RDM1: variants seen among roughly 807,000 people sequenced by gnomAD.
RDM1 encodes the protein RAD52 motif containing 1, also known as RAD52 motif-containing protein 1.
In RDM1, 28 loss-of-function variants were observed where a neutral mutation model predicts 27.7. The observed-to-expected ratio is 1.01, with a 90% confidence interval of 0.75 to 1.39. The LOEUF is 1.39. RDM1 is among the 40% of genes most tolerant of loss of function. RDM1 has a pLI of 0.00. For synonymous variants in RDM1, 124 were observed against 127.5 expected (o/e 0.97, Z 0.19); for missense variants, 277 against 337.3 (o/e 0.82, Z 1.40).
chr17:35,923,505 C>T (rs1017647773), intron 4 of RDM1, among the ~76,000 whole-genome samples: 10 of 151,562 alleles, frequency 6.6e-5, no homozygotes, highest in Admixed American at 2.6e-4. Context: ...AAAATACAAC[C>T]ACAAGAAAAT....
chr17:35,925,576 T>C lies in RDM1; in HGVS notation c.338A>G (p.Lys113Arg), dbSNP rs2089116475. The C allele has an allele frequency of 6.2e-7, 1 of 1,614,084 alleles. No homozygotes were observed. The highest frequency in any genetic ancestry group is 1.3e-5 in the African/African-American group (1 of 74,946). ...QHQALALNSS[K>R]CQELANYYFG... is the part of the protein sequence containing the mutation. ...GTAGTAATTCGCCAGTTCTTGGCAT[T>C]TGGAACTGTTCAGGGCAAGGGCTTG... The change falls in exon 3 of 7, where the codon AAA (lysine) becomes AGA (arginine). Residue 113 changes from lysine to arginine, a missense_variant. Lys to Arg is a conservative substitution (Grantham distance 26, BLOSUM62 2). Coordinates refer to ENST00000620284, the MANE Select transcript of RDM1 (RefSeq NM_145654.4).
chr17:35,929,414 C>T (rs1488746262), intron 2 of RDM1, among the ~76,000 whole-genome samples: 1 of 152,120 alleles, frequency 6.6e-6, no homozygotes, highest in African/African-American at 2.4e-5. Flanking sequence ...GTGCATGCCA[C>T]ATCTGGCTGA....
At chr17:35,928,094 G>A (rs2089208731) in intron 2 of RDM1, among the ~76,000 whole-genome samples, 1 of 152,124 alleles carries the variant, frequency 6.6e-6, no homozygotes, top group Admixed American at 6.5e-5. Flanking sequence ...ATTTGATCAA[G>A]GTTAATTCAA....
At position 35,918,169 on chromosome 17, in the gene RDM1, T is replaced by C; in HGVS notation, c.*173A>G. On this transcript the variant is annotated 3_prime_UTR_variant, in exon 7 of 7. Coordinates refer to ENST00000620284, the MANE Select transcript of RDM1 (RefSeq NM_145654.4). Reference sequence around the variant, plus strand: ...TCCCACAATCCTACCCAAGCCTCCCTTCCCACTCCACCAGAACACCCCTTC... The same window carrying C: ...TCCCACAATCCTACCCAAGCCTCCCCTCCCACTCCACCAGAACACCCCTTC... The C allele has an allele frequency of 1.6e-6, 1 of 615,300 alleles. No individual in the cohort carries two copies. The highest frequency in any genetic ancestry group is 1.9e-5 in the South Asian group (1 of 52,606). The allele number at this position is 615,300 out of a possible 1,614,324, so 38.1% of individuals were successfully genotyped here.
At chr17:35,924,382 A>C (rs957683394) in intron 4 of RDM1, among the ~76,000 whole-genome samples, 1 of 152,202 alleles carries the variant, frequency 6.6e-6, no homozygotes, top group Non-Finnish European at 1.5e-5. Context: ...GCTTCTCGGC[A>C]GGAAGTCAGC....
chr17:35,924,670 G>A lies in RDM1; in HGVS notation c.502C>T (p.Pro168Ser). 1 of 1,614,048 alleles carries A rather than the reference G, an allele frequency of 6.2e-7. No individual in the cohort carries two copies. Among genetic ancestry groups the A allele is most frequent in the Non-Finnish European group, 8.5e-7 (1 of 1,179,980 alleles). ...KFFCALEVVL[P>S]SCDCRSPGIG... The stretch of plus-strand genomic sequence containing the variant: ...CCAGGACTCCTGCAATCACAGGATG[G>A]CAACACCACTTCTAAAGCACAGAAG... Residue 168 changes from proline (P) to serine (S), a missense_variant, in exon 4 of 7, where the codon CCA becomes TCA. Coordinates refer to ENST00000620284, the MANE Select transcript of RDM1 (RefSeq NM_145654.4).
At chr17:35,930,283 GA>G (rs1205821596) in intron 1 of RDM1, 28 bp from the exon 2 acceptor site, 1 of 1,613,788 alleles carries the variant, frequency 6.2e-7, no homozygotes, top group East Asian at 2.2e-5. Flanking sequence ...GTAAATGCAT[GA>G]AATCTCACGC....
rs1425555484 is a variant in RDM1 at position 35,918,226 on chromosome 17, C to T, written c.*116G>A. 10 of 825,074 alleles carry T rather than the reference C, an allele frequency of 1.2e-5. No homozygotes were observed. Among genetic ancestry groups the T allele is most frequent in the African/African-American group, 3.3e-5 (2 of 59,784 alleles). 51.1% of individuals were successfully genotyped at this position (825,074 alleles called of 1,614,324 possible). A position where few individuals can be genotyped will look rare whatever the true frequency, so the allele number is the denominator to read the frequency against. ...CTTCGCCAGGAAAGATTTGGGCGGC[C>T]GACCCAGGTGGTTCCAGGACTCCAG... On this transcript the variant is annotated 3_prime_UTR_variant, in exon 7 of 7. Transcript: ENST00000620284.
intron 4 of RDM1, among the ~76,000 whole-genome samples, chr17:35,924,168 C>G (rs1479907471): frequency 6.6e-6 from 1 of 152,012 alleles, no homozygotes; most frequent in Non-Finnish European, 1.5e-5. Context: ...TTACAGTGAG[C>G]TATGATCATG....
intron 5 of RDM1, among the ~76,000 whole-genome samples, 174 bp from the exon 6 acceptor site, chr17:35,920,446 T>G: frequency 6.9e-6 from 1 of 145,430 alleles, no homozygotes; most frequent in Non-Finnish European, 1.5e-5. Context: ...TTTTCTTTCT[T>G]TCTTTCTTTC....
At chr17:35,920,746 T>C (rs1598659848) in intron 5 of RDM1, among the ~76,000 whole-genome samples, 1 of 152,250 alleles carries the variant, frequency 6.6e-6, no homozygotes, top group Admixed American at 6.5e-5. Flanking sequence ...TGAGTCACCA[T>C]GTCTGGCCTC....
chr17:35,925,459 G>C, intron 3 of RDM1, 56 bp downstream of exon 3: 1 of 1,593,692 alleles, frequency 6.3e-7, no homozygotes, highest in South Asian at 1.1e-5. Flanking sequence ...CTAAAATCTA[G>C]GATTTCAATG....
Position 35,920,448 on chromosome 17 carries a change from C to T in RDM1, c.668-176G>A, listed in dbSNP as rs948350009. On this transcript the variant is annotated intron_variant, in intron 5 of 6. Coordinates refer to ENST00000620284, the MANE Select transcript of RDM1 (RefSeq NM_145654.4). ...TCACACTTCAGTTTTTTCTTTCTTT[C>T]TTTCTTTCTTTTTTTTTTTTTTTTT... is the stretch of plus-strand genomic sequence containing the variant. Among the ~76,000 whole-genome samples, 56 of 141,938 alleles carry T rather than the reference C, an allele frequency of 3.9e-4. No homozygotes were observed. In the South Asian group the frequency reaches 0.011, roughly 29 times the overall value. 93.1% of individuals were successfully genotyped at this position (141,938 alleles called of 152,430 possible). A position where few individuals can be genotyped will look rare whatever the true frequency, so the allele number is the denominator to read the frequency against.
At position 35,925,526 on chromosome 17, in the gene RDM1, T is replaced by C; in HGVS notation, c.388A>G (p.Arg130Gly). ...YYFGFNGCSK[R>G]IIKLQELSDL... The stretch of plus-strand genomic sequence containing the variant: ...TCTACAAGGTTTACCTTGATGATCC[T>C]TTTGGAACACCCATTGAAACCAAAG... Residue 130 changes from arginine (R) to glycine (G), a missense_variant, in exon 3 of 7, where the codon AGG (arginine) becomes GGG (glycine). Coordinates refer to ENST00000620284, the MANE Select transcript of RDM1 (RefSeq NM_145654.4). 6.2e-7 allele frequency: 1 copy of C among 1,613,374 alleles called. No individual in the cohort carries two copies. Among genetic ancestry groups the C allele is most frequent in the South Asian group, 1.1e-5 (1 of 91,020 alleles).
chr17:35,921,757 C>T (rs767941945), intron 5 of RDM1, among the ~76,000 whole-genome samples: 1 of 152,064 alleles, frequency 6.6e-6, no homozygotes, highest in Non-Finnish European at 1.5e-5. Context: ...GTAAGTGTAG[C>T]TCCGAGTTTT....
At position 35,930,220 on chromosome 17, in the gene RDM1, A is replaced by C; in HGVS notation, c.132T>G (p.Leu44=). Residue 44 remains leucine, a synonymous_variant, in exon 2 of 7, where the codon CTT becomes CTG. Transcript: ENST00000620284. Reference sequence around the variant, plus strand: ...TTGGGAAGACCCGGACTGAATACAGAAGGCCAAACTGAGAAAATGCTGTGA... The same window carrying C: ...TTGGGAAGACCCGGACTGAATACAGCAGGCCAAACTGAGAAAATGCTGTGA... ...SLFTAFSQFG[L]LYSVRVFPNA... 1 of 1,614,148 alleles carries C rather than the reference A, an allele frequency of 6.2e-7. No homozygotes were observed. The highest frequency in any genetic ancestry group is 1.3e-5 in the African/African-American group (1 of 75,020).
In RDM1 at chr17:35,924,594, G is replaced by A; in HGVS notation, c.568+10C>T. On this transcript the variant is annotated intron_variant, in intron 4 of 6. Transcript: ENST00000620284. The stretch of plus-strand genomic sequence containing the variant: ...ATCCCTACCCTCCTCCACTCCCAGT[G>A]AAAACAGACCTTCCTCCACCTTATC... 6.2e-7 allele frequency: 1 copy of A among 1,605,816 alleles called. No homozygotes were observed. The highest frequency in any genetic ancestry group is 1.1e-5 in the South Asian group (1 of 90,268).
chr17:35,923,079 C>G (rs2089005059), intron 4 of RDM1, among the ~76,000 whole-genome samples: 1 of 152,324 alleles, frequency 6.6e-6, no homozygotes, highest in Non-Finnish European at 1.5e-5. Flanking sequence ...CCTGGGGAGG[C>G]TGAGGCAGGT....
chr17:35,925,329 A>C lies in RDM1; in HGVS notation c.399+186T>G, dbSNP rs146373043. On this transcript the variant is annotated intron_variant, in intron 3 of 6. Transcript: ENST00000620284. Reference sequence around the variant, plus strand: ...AACAGTGGAGAAAATTACGGATACCACCATCCAATTGACTGAGATTATTAA... The same window carrying C: ...AACAGTGGAGAAAATTACGGATACCCCCATCCAATTGACTGAGATTATTAA... Among the ~76,000 whole-genome samples, 365 of 152,312 alleles carry C rather than the reference A, an allele frequency of 2.4e-3. 2 individuals carry two copies. The highest frequency in any genetic ancestry group is 8.3e-3 in the African/African-American group (344 of 41,570).
Sources: allele counts gnomAD v4.1 joint callset (sites outside exome capture counted in the v4.1 genomes callset), GRCh38; gene constraint gnomAD v4.1.1; transcripts MANE v1.5; gene names NCBI Gene and HGNC (gene_info 2026-07-23, HGNC 2026-07-21).